UBE2R2: variants seen among roughly 807,000 people sequenced by gnomAD.
UBE2R2 encodes the protein ubiquitin-conjugating enzyme E2 R2.
A neutral mutation model predicts 27.8 loss-of-function variants in UBE2R2; 1 was observed. That is an observed-to-expected ratio of 0.04 (90% CI 0.01 to 0.17). The LOEUF is 0.17. Ranked by LOEUF, UBE2R2 falls within the 10% of genes least tolerant of loss-of-function variation. The pLI is 1.00. For synonymous variants in UBE2R2, 106 were observed against 113.3 expected (o/e 0.94, Z 0.41); for missense variants, 100 against 291.0 (o/e 0.34, Z 4.78).
At chr9:33,865,914 T>G (rs1202028564) in intron 1 of UBE2R2, among the ~76,000 whole-genome samples, 1 of 150,846 alleles carries the variant, frequency 6.6e-6, no homozygotes, top group Non-Finnish European at 1.5e-5. Flanking sequence ...TCACTGTAAC[T>G]TCCACGTCCC....
chr9:33,836,034 G>A (rs1036927085), intron 1 of UBE2R2, among the ~76,000 whole-genome samples: 1 of 152,226 alleles, frequency 6.6e-6, no homozygotes, highest in Non-Finnish European at 1.5e-5. Flanking sequence ...TGGGCACAGT[G>A]GCTCACGCCT....
At chr9:33,815,505 G>A (rs1825733563), upstream of UBE2R2, among the ~76,000 whole-genome samples, 1 of 152,238 alleles carries the variant, frequency 6.6e-6, no homozygotes, top group Non-Finnish European at 1.5e-5. Flanking sequence ...AGCACTTTGG[G>A]AGGCTGAGGT....
intron 1 of UBE2R2, among the ~76,000 whole-genome samples, chr9:33,878,857 T>G (rs967560003): frequency 2.0e-5 from 3 of 152,086 alleles, no homozygotes; most frequent in Non-Finnish European, 4.4e-5. Context: ...TTGTGAGTTA[T>G]TTACACAGGA....
intron 1 of UBE2R2, among the ~76,000 whole-genome samples, chr9:33,842,178 T>G (rs939794392): frequency 3.9e-5 from 6 of 152,068 alleles, no homozygotes; most frequent in African/African-American, 1.4e-4. Flanking sequence ...GGTCAGAGGA[T>G]CACTTGAGCC....
At chr9:33,891,130 A>G (rs1014139247) in intron 2 of UBE2R2, among the ~76,000 whole-genome samples, 2 of 143,838 alleles carry the variant, frequency 1.4e-5, no homozygotes, top group Admixed American at 7.2e-5. Flanking sequence ...GCTCACTGCA[A>G]CCTCCGCCTC....
Position 33,826,057 on chromosome 9 carries a change from C to T in UBE2R2, c.177+8123C>T, listed in dbSNP as rs1045986975. On this transcript the variant is annotated intron_variant, in intron 1 of 4. Transcript: ENST00000263228. ...ACTTGGGAGGCTGAGGCAGGAGAAT[C>T]GCTTGAACCCAGGAGGTGCAGGTTT... 4.0e-5 allele frequency among the ~76,000 whole-genome samples: 6 copies of T among 151,074 alleles called. No homozygotes were observed. In the East Asian group the frequency reaches 5.9e-4, roughly 15 times the overall value.
At chr9:33,822,610 T>A (rs766044108) in intron 1 of UBE2R2, among the ~76,000 whole-genome samples, 2 of 151,070 alleles carry the variant, frequency 1.3e-5, no homozygotes, top group Non-Finnish European at 2.9e-5. Context: ...AAAAATTGTT[T>A]ATGCAGAAAG....
chr9:33,864,026 T>G (rs1361711163), intron 1 of UBE2R2, among the ~76,000 whole-genome samples: 12 of 152,116 alleles, frequency 7.9e-5, no homozygotes, highest in Admixed American at 7.9e-4. Context: ...TTTCACCATG[T>G]TGGCCAGGCT....
At chr9:33,862,633 C>CA (rs1703033970) in intron 1 of UBE2R2, among the ~76,000 whole-genome samples, 2 of 152,084 alleles carry the variant, frequency 1.3e-5, no homozygotes, top group Non-Finnish European at 2.9e-5. Context: ...TCAGAATCCT[C>CA]AAAAAATCTA....
At chr9:33,888,440 C>T (rs937355099) in intron 2 of UBE2R2, among the ~76,000 whole-genome samples, 3 of 151,978 alleles carry the variant, frequency 2.0e-5, no homozygotes, top group Non-Finnish European at 2.9e-5. Flanking sequence ...TGCATCAGTT[C>T]TTTTTTTTGG....
At chr9:33,837,578 A>G (rs1820642816) in intron 1 of UBE2R2, among the ~76,000 whole-genome samples, 1 of 152,022 alleles carries the variant, frequency 6.6e-6, no homozygotes, top group African/African-American at 2.4e-5. Flanking sequence ...GGCACCTGCT[A>G]CCACACCCAG....
chr9:33,907,575 C>T (rs1342269082), intron 3 of UBE2R2, among the ~76,000 whole-genome samples: 1 of 151,816 alleles, frequency 6.6e-6, no homozygotes, highest in Non-Finnish European at 1.5e-5. Context: ...AGATCTGTTC[C>T]TCTAGACGTG....
chr9:33,845,130 C>T lies in UBE2R2; in HGVS notation c.177+27196C>T, dbSNP rs149086797. 3.9e-4 allele frequency among the ~76,000 whole-genome samples: 59 copies of T among 152,204 alleles called. No homozygotes were observed. In the East Asian group the frequency reaches 0.01, roughly 26 times the overall value. On this transcript the variant is annotated intron_variant, in intron 1 of 4. Transcript: ENST00000263228. ...CTTACAGTATCCTCAGCTTGCTGAG[C>T]AACTGTTCTCACCAAAAAGCTAATA...
intron 1 of UBE2R2, among the ~76,000 whole-genome samples, chr9:33,823,666 G>A (rs903765994): frequency 6.6e-6 from 1 of 152,180 alleles, no homozygotes; most frequent in African/African-American, 2.4e-5. Context: ...ATGAGCCACC[G>A]CGCCTGGCTG....
chr9:33,872,253 C>T lies in UBE2R2; in HGVS notation c.178-14628C>T, dbSNP rs953430155. Among the ~76,000 whole-genome samples, 8 of 151,008 alleles carry T rather than the reference C, an allele frequency of 5.3e-5. No individual in the cohort carries two copies. In the South Asian group the frequency reaches 1.0e-3, roughly 20 times the overall value. ...CAAAAAAAAAAAAAAGTTATCCAGG[C>T]GTGGTGGTGTATACCTGTAGTTCCA... On this transcript the variant is annotated intron_variant, in intron 1 of 4. Coordinates refer to ENST00000263228, the MANE Select transcript of UBE2R2 (RefSeq NM_017811.4).
intron 1 of UBE2R2, among the ~76,000 whole-genome samples, chr9:33,852,442 A>G (rs996091772): frequency 1.3e-5 from 2 of 152,186 alleles, no homozygotes; most frequent in Non-Finnish European, 2.9e-5. Context: ...CCACTTGAGT[A>G]TAAATATAAA....
At chr9:33,912,848 A>G (rs1271684385) in intron 4 of UBE2R2, among the ~76,000 whole-genome samples, 1 of 152,204 alleles carries the variant, frequency 6.6e-6, no homozygotes, top group Non-Finnish European at 1.5e-5. Context: ...AAAAAAGCTT[A>G]ACCTTTAATC....
chr9:33,827,415 C>T (rs1162520721), intron 1 of UBE2R2, among the ~76,000 whole-genome samples: 10 of 152,216 alleles, frequency 6.6e-5, no homozygotes, highest in Admixed American at 4.6e-4. Flanking sequence ...CCAAAGCGGG[C>T]GAATCACTTG....
At chr9:33,844,984 G>C (rs577108764) in intron 1 of UBE2R2, among the ~76,000 whole-genome samples, 2 of 151,798 alleles carry the variant, frequency 1.3e-5, no homozygotes, top group South Asian at 2.1e-4. Context: ...GGTCAGGCTG[G>C]TCTTGAACTC....
Sources: gnomAD v4.1 joint callset for allele counts (sites outside exome capture counted in the v4.1 genomes callset) on GRCh38, gnomAD v4.1.1 for gene constraint, MANE v1.5 for transcripts, NCBI Gene and HGNC (gene_info 2026-07-23, HGNC 2026-07-21) for gene names.